The following EXO5 variants were observed in gnomAD, a reference collection of about 807,000 sequenced individuals.
EXO5 encodes exonuclease V.
Under a neutral mutation model 17.8 loss-of-function variants are expected in EXO5, and 11 were observed. That is an observed-to-expected ratio of 0.62 (90% CI 0.39 to 1.02). EXO5 has a LOEUF of 1.02. EXO5 is among the 50% of genes least tolerant of loss of function. The probability of loss-of-function intolerance (pLI) is 0.00; values close to 1 mark genes in which losing one functional copy is unlikely to be tolerated. For synonymous variants in EXO5, 147 were observed against 166.5 expected (o/e 0.88, Z 0.90); for missense variants, 364 against 434.8 (o/e 0.84, Z 1.45).
intron 3 of EXO5, among the ~76,000 whole-genome samples, chr1:40,510,076 A>G (rs182834269): frequency 3.3e-5 from 5 of 152,326 alleles, no homozygotes; most frequent in East Asian, 3.9e-4. Context: ...TTTAGAATCC[A>G]TATCTGTAGG....
At chr1:40,510,466 C>T (rs1645753585) in intron 3 of EXO5, among the ~76,000 whole-genome samples, 1 of 152,224 alleles carries the variant, frequency 6.6e-6, no homozygotes, top group African/African-American at 2.4e-5. Context: ...CTGTTTTATT[C>T]TTATAGATGA....
At chr1:40,512,577 C>G (rs1347148462) in intron 3 of EXO5, among the ~76,000 whole-genome samples, 1 of 151,964 alleles carries the variant, frequency 6.6e-6, no homozygotes, top group Non-Finnish European at 1.5e-5. Flanking sequence ...TTGTTTTATT[C>G]TTTCTACTTC....
intron 3 of EXO5, among the ~76,000 whole-genome samples, chr1:40,511,635 T>G (rs964025735): frequency 6.6e-6 from 1 of 152,200 alleles, no homozygotes; most frequent in Non-Finnish European, 1.5e-5. Context: ...GACATAGGAG[T>G]TGGTGCATTC....
rs1235242744 is a variant in EXO5 at position 40,514,504 on chromosome 1, A to G, written c.-30-11A>G. On this transcript the variant is annotated splice_polypyrimidine_tract_variant and intron_variant, in intron 3 of 3. Coordinates refer to ENST00000415550, the MANE Select transcript of EXO5 (RefSeq NM_001346953.2). ...TATTTGAACAATGCATTTCTTTAACATGTTATGCAGGGCCCTTCTAGCCCA... is the reference window on the plus strand; with the variant it reads ...TATTTGAACAATGCATTTCTTTAACGTGTTATGCAGGGCCCTTCTAGCCCA... 2 of 1,532,568 alleles carry G rather than the reference A, an allele frequency of 1.3e-6. No homozygotes were observed. Among genetic ancestry groups the G allele is most frequent in the Admixed American group, 2.2e-5 (1 of 44,948 alleles). The allele number at this position is 1,532,568 out of a possible 1,614,324, so 94.9% of individuals were successfully genotyped here.
chr1:40,511,094 GC>G (rs1645769005), intron 3 of EXO5, among the ~76,000 whole-genome samples: 1 of 152,172 alleles, frequency 6.6e-6, no homozygotes, highest in Non-Finnish European at 1.5e-5. Flanking sequence ...AATTAGCTGG[GC>G]GCGGTGGCGG....
At chr1:40,512,113 A>G (rs927636134) in intron 3 of EXO5, among the ~76,000 whole-genome samples, 6 of 152,136 alleles carry the variant, frequency 3.9e-5, no homozygotes, top group South Asian at 4.1e-4. Flanking sequence ...TCCTGACCTC[A>G]TGATCCGCCC....
At chr1:40,509,921 A>C (rs1645741377) in intron 3 of EXO5, 131 bp downstream of exon 3, 1 of 152,258 alleles carries the variant, frequency 6.6e-6, no homozygotes, top group Non-Finnish European at 1.5e-5. Context: ...ACTATATGTT[A>C]TCACTCAATG....
chr1:40,509,945 G>A (rs1645741751), intron 3 of EXO5, among the ~76,000 whole-genome samples, 155 bp downstream of exon 3: 1 of 152,234 alleles, frequency 6.6e-6, no homozygotes, highest in Non-Finnish European at 1.5e-5. Flanking sequence ...GGATATCTCA[G>A]TAGGGTTAGT....
intron 3 of EXO5, among the ~76,000 whole-genome samples, chr1:40,510,712 C>T (rs1645758372): frequency 6.6e-6 from 1 of 152,180 alleles, no homozygotes; most frequent in African/African-American, 2.4e-5. Context: ...TATCTGTATC[C>T]ACCAGCCAGA....
chr1:40,510,646 C>A (rs747449110), intron 3 of EXO5, among the ~76,000 whole-genome samples: 1 of 152,220 alleles, frequency 6.6e-6, no homozygotes, highest in Non-Finnish European at 1.5e-5. Flanking sequence ...AATAGTCTAA[C>A]TCTATGCTGT....
In EXO5 at chr1:40,515,590, C is replaced by T; in HGVS notation, c.1046C>T (p.Ala349Val). The T allele has an allele frequency of 6.2e-7, 1 of 1,613,178 alleles. No individual in the cohort carries two copies. Among genetic ancestry groups the T allele is most frequent in the Non-Finnish European group, 8.5e-7 (1 of 1,179,920 alleles). The change falls in exon 4 of 4, where the codon GCA becomes GTA. Residue 349 changes from alanine to valine, a missense_variant. Coordinates refer to ENST00000415550, the MANE Select transcript of EXO5 (RefSeq NM_001346953.2). ...EAWKCRTCTY[A>V]DICEWRKGSG... ...TGGAAGTGCCGGACGTGTACCTATGCAGACATTTGTGAGTGGAGAAAGGGC... is the reference window on the plus strand; with the variant it reads ...TGGAAGTGCCGGACGTGTACCTATGTAGACATTTGTGAGTGGAGAAAGGGC...
intron 3 of EXO5, among the ~76,000 whole-genome samples, chr1:40,510,906 T>A (rs990937880): frequency 2.6e-5 from 4 of 152,232 alleles, no homozygotes; most frequent in African/African-American, 9.6e-5. Context: ...GAGTTCCCCC[T>A]CACCCTCACA....
At chr1:40,514,452 A>G in intron 3 of EXO5, 63 bp from the exon 4 acceptor site, 1 of 1,369,542 alleles carries the variant, frequency 7.3e-7, no homozygotes. Flanking sequence ...TCTCACTGAA[A>G]TTTGAAAGTG....
At position 40,514,679 on chromosome 1, in the gene EXO5, C is replaced by A. The variant is rs768109747; in HGVS notation, c.135C>A (p.Gly45=). 6 of 1,614,170 alleles carry A rather than the reference C, an allele frequency of 3.7e-6. No individual in the cohort carries two copies. Among genetic ancestry groups the A allele is most frequent in the South Asian group, 2.2e-5 (2 of 91,078 alleles). ...QESKALVNMP[G]PSSESLGKDD... is the part of the protein sequence containing the mutation. ...CAAAGGCTTTAGTTAACATGCCTGG[C>A]CCATCTTCTGAATCCCTTGGGAAGG... is the stretch of plus-strand genomic sequence containing the variant. The change falls in exon 4 of 4, where the codon GGC becomes GGA. Residue 45 remains glycine (G), a synonymous_variant. Transcript: ENST00000415550.
rs371429664 is a variant in EXO5, at chr1:40,514,980, A to T, written c.436A>T (p.Lys146Ter). The change falls in exon 4 of 4, where the codon AAG becomes TAG. Residue 146 changes from lysine to a stop codon, truncating the protein, a stop_gained. Coordinates refer to ENST00000415550, the MANE Select transcript of EXO5 (RefSeq NM_001346953.2). LOFTEE classifies it high-confidence loss of function. ...VTTKEDAWAI[K>*]FLNILLLIPT... ...CACTAAAGAAGATGCTTGGGCAATT[A>T]AGTTTCTGAACATACTTTTGCTGAT... is the stretch of plus-strand genomic sequence containing the variant. The T allele has an allele frequency of 6.2e-7, 1 of 1,613,986 alleles. No individual in the cohort carries two copies. The highest frequency in any genetic ancestry group is 1.3e-5 in the African/African-American group (1 of 74,908).
At chr1:40,509,062 C>G (rs935739707) in intron 1 of EXO5, 154 bp downstream of exon 1, 8 of 152,266 alleles carry the variant, frequency 5.3e-5, no homozygotes, top group African/African-American at 1.7e-4. Flanking sequence ...CGTTCTGGAC[C>G]TTCGCCCTCG....
intron 3 of EXO5, among the ~76,000 whole-genome samples, chr1:40,512,808 G>A (rs1010279852): frequency 1.3e-5 from 2 of 152,022 alleles, no homozygotes; most frequent in African/African-American, 4.8e-5. Context: ...TGTATTTTTA[G>A]TTTCACCATG....
rs1163255238 is a variant in EXO5 at position 40,509,635 on chromosome 1, G to T, written c.-89+10G>T. ...GTGAGGGAATGGTCAGGTAAGAAAG[G>T]ACCAGAAGTTCCGGTTCTACCATAG... On this transcript the variant is annotated intron_variant, in intron 2 of 3. Coordinates refer to ENST00000415550, the MANE Select transcript of EXO5 (RefSeq NM_001346953.2). 1 of 152,206 alleles carries T rather than the reference G, an allele frequency of 6.6e-6. No homozygotes were observed. Among genetic ancestry groups the T allele is most frequent in the Non-Finnish European group, 1.5e-5 (1 of 68,068 alleles). The allele number at this position is 152,206 out of a possible 1,614,324, so 9.4% of individuals were successfully genotyped here.
intron 3 of EXO5, among the ~76,000 whole-genome samples, chr1:40,513,646 G>C (rs1645822879): frequency 6.7e-6 from 1 of 150,310 alleles, no homozygotes; most frequent in South Asian, 2.1e-4. Flanking sequence ...CTGGAGTGCA[G>C]TGGTGCAGTC....
Sources: allele counts gnomAD v4.1 joint callset (sites outside exome capture counted in the v4.1 genomes callset), GRCh38; gene constraint gnomAD v4.1.1; transcripts MANE v1.5; gene names NCBI Gene and HGNC (gene_info 2026-07-23, HGNC 2026-07-21).